The following LRRN3 variants were observed in gnomAD, a reference collection of about 807,000 sequenced individuals.
LRRN3 encodes the protein leucine rich repeat neuronal 3, also known as leucine-rich repeat neuronal protein 3.
LRRN3 carries 15 observed loss-of-function variants against 40.1 expected under a neutral mutation model. That is an observed-to-expected ratio of 0.37 (90% confidence interval 0.25 to 0.58). LRRN3 has a LOEUF of 0.58. Ranked by LOEUF, LRRN3 falls within the 20% of genes least tolerant of loss-of-function variation. The pLI, the probability that LRRN3 is intolerant of heterozygous loss-of-function variation, is 0.72. For missense variants in LRRN3, 746 were observed against 837.7 expected (o/e 0.89, Z 1.35); for synonymous variants, 308 against 297.2 (o/e 1.04, Z -0.37).
Position 111,124,637 on chromosome 7 carries a change from A to C in LRRN3, c.1865A>C (p.Glu622Ala), listed in dbSNP as rs762938698. The change falls in exon 3 of 3, where the codon GAA (glutamate) becomes GCA (alanine). Residue 622 changes from glutamate (E) to alanine (A), a missense_variant. By Grantham distance (107) the Glu-to-Ala change is moderately radical. Coordinates refer to ENST00000308478, the MANE Select transcript of LRRN3 (RefSeq NM_001099658.2). ...TTGCACCCTGATCAAAAAGAGTATG[A>C]AAAGAATAATACCACAACACTTATG... ...KGLHPDQKEY[E>A]KNNTTTLMAC... is the part of the protein sequence containing the mutation. The C allele has an allele frequency of 4.3e-6, 7 of 1,613,902 alleles. No individual in the cohort carries two copies. The highest frequency in any genetic ancestry group is 1.3e-5 in the African/African-American group (1 of 74,918).
intron 2 of LRRN3, among the ~76,000 whole-genome samples, chr7:111,101,316 CT>C (rs1797951042): frequency 6.6e-6 from 1 of 151,342 alleles, no homozygotes; most frequent in African/African-American, 2.4e-5. Flanking sequence ...CCTTGGCATA[CT>C]GATAAGCGAT....
At chr7:111,101,426 T>C (rs1053899541) in intron 2 of LRRN3, among the ~76,000 whole-genome samples, 1 of 151,514 alleles carries the variant, frequency 6.6e-6, no homozygotes, top group Non-Finnish European at 1.5e-5. Flanking sequence ...TCTCAGAATC[T>C]GTGAGAGTAA....
Position 111,123,245 on chromosome 7 carries a change from G to A in LRRN3, c.473G>A (p.Gly158Glu). ...AACTTGCTTTCTACAATTTCACCTG[G>A]AGCCTTTATTGGCCTACATAATCTT... ...NHNLLSTISP[G>E]AFIGLHNLLR... Residue 158 changes from glycine (G) to glutamate (E), a missense_variant, in exon 3 of 3, where the codon GGA becomes GAA. Coordinates refer to ENST00000308478, the MANE Select transcript of LRRN3 (RefSeq NM_001099658.2). The surrounding 1 kb of genome is among the most constrained non-coding windows in gnomAD (Gnocchi z 6.4). 1.2e-6 allele frequency: 2 copies of A among 1,613,786 alleles called. No homozygotes were observed. Among genetic ancestry groups the A allele is most frequent in the Non-Finnish European group, 1.7e-6 (2 of 1,179,914 alleles).
At chr7:111,117,974 T>C (rs1255504541) in intron 2 of LRRN3, among the ~76,000 whole-genome samples, 1 of 152,114 alleles carries the variant, frequency 6.6e-6, no homozygotes, top group Non-Finnish European at 1.5e-5. Flanking sequence ...ACAGTGGATT[T>C]TAAATCTTCT....
At chr7:111,093,656 A>G (rs1013384469) in intron 1 of LRRN3, among the ~76,000 whole-genome samples, 2 of 152,174 alleles carry the variant, frequency 1.3e-5, no homozygotes, top group African/African-American at 4.8e-5. Flanking sequence ...TACAGAGATC[A>G]GTAATGTGCC....
At chr7:111,115,844 T>G (rs1222257175) in intron 2 of LRRN3, among the ~76,000 whole-genome samples, 1 of 151,884 alleles carries the variant, frequency 6.6e-6, no homozygotes, top group Non-Finnish European at 1.5e-5. Flanking sequence ...ACCTGGCTAA[T>G]TTTTGTATTT....
intron 2 of LRRN3, among the ~76,000 whole-genome samples, chr7:111,102,339 A>G (rs1345240793): frequency 6.6e-6 from 1 of 151,468 alleles, no homozygotes; most frequent in Non-Finnish European, 1.5e-5. Context: ...TCAACCCTAT[A>G]GAGAAACTCA....
intron 2 of LRRN3, among the ~76,000 whole-genome samples, chr7:111,118,687 T>C (rs1800193474): frequency 1.3e-5 from 2 of 152,250 alleles, no homozygotes; most frequent in Non-Finnish European, 1.5e-5. Flanking sequence ...TACTTACTTA[T>C]TATCCTGCAA....
At chr7:111,100,539 T>C (rs1193981750) in intron 2 of LRRN3, among the ~76,000 whole-genome samples, 1 of 149,706 alleles carries the variant, frequency 6.7e-6, no homozygotes, top group Non-Finnish European at 1.5e-5. Context: ...CTGATTAGTA[T>C]AATATTATTT....
chr7:111,100,355 GT>G (rs1382828143), intron 2 of LRRN3, among the ~76,000 whole-genome samples: 1 of 149,840 alleles, frequency 6.7e-6, no homozygotes, highest in East Asian at 1.9e-4. Flanking sequence ...TCTTTCTACA[GT>G]TTTAAACTTC....
chr7:111,101,816 T>C (rs1238572891), intron 2 of LRRN3, among the ~76,000 whole-genome samples: 1 of 151,384 alleles, frequency 6.6e-6, no homozygotes, highest in South Asian at 2.1e-4. Flanking sequence ...GTGGTAAACA[T>C]AGTTCCTATC....
chr7:111,094,323 G>C (rs1276781377), intron 1 of LRRN3, among the ~76,000 whole-genome samples: 1 of 152,076 alleles, frequency 6.6e-6, no homozygotes, highest in Non-Finnish European at 1.5e-5. Context: ...GTATCTGTTG[G>C]TGAATCTGAA....
intron 2 of LRRN3, among the ~76,000 whole-genome samples, chr7:111,119,564 T>A (rs545031061): frequency 2.6e-4 from 39 of 152,352 alleles, no homozygotes; most frequent in Non-Finnish European, 4.0e-4. Flanking sequence ...TGGATTTTAG[T>A]AATATATGTA....
chr7:111,101,199 G>A (rs1446211678), intron 2 of LRRN3, among the ~76,000 whole-genome samples: 1 of 151,398 alleles, frequency 6.6e-6, no homozygotes, highest in East Asian at 1.9e-4. Flanking sequence ...TTTGAAAGAA[G>A]AAATATTCTA....
At chr7:111,093,777 T>C (rs1490778219) in intron 1 of LRRN3, among the ~76,000 whole-genome samples, 1 of 152,148 alleles carries the variant, frequency 6.6e-6, no homozygotes, top group Non-Finnish European at 1.5e-5. Context: ...TGATGGACAT[T>C]TGTGTATGAC....
chr7:111,115,409 A>G (rs890035974), intron 2 of LRRN3, among the ~76,000 whole-genome samples: 5 of 152,098 alleles, frequency 3.3e-5, no homozygotes, highest in Non-Finnish European at 5.9e-5. Context: ...ATAACTACAA[A>G]TCAGAATTTT....
intron 2 of LRRN3, among the ~76,000 whole-genome samples, chr7:111,105,222 T>G (rs1410960084): frequency 6.6e-6 from 1 of 151,930 alleles, no homozygotes; most frequent in Non-Finnish European, 1.5e-5. Flanking sequence ...AAAGAATTCT[T>G]ATGTCAATAG....
intron 2 of LRRN3, among the ~76,000 whole-genome samples, chr7:111,117,267 G>A (rs563020902): frequency 1.3e-5 from 2 of 152,180 alleles, no homozygotes; most frequent in African/African-American, 2.4e-5. Flanking sequence ...AATCTTTGAT[G>A]TTCACAGAAT....
rs1801057556 is a variant in LRRN3 at position 111,124,545 on chromosome 7, T to C, written c.1773T>C (p.Ile591=). The change falls in exon 3 of 3, where the codon ATT becomes ATC. Residue 591 remains isoleucine, a synonymous_variant. Transcript: ENST00000308478. ...THLNPSTEYK[I]CIDIPTIYQK... The stretch of plus-strand genomic sequence containing the variant: ...TGAATCCATCAACTGAGTATAAAAT[T>C]TGTATTGATATTCCCACCATCTATC... 6.2e-7 allele frequency: 1 copy of C among 1,613,622 alleles called. No homozygotes were observed. The highest frequency in any genetic ancestry group is 8.5e-7 in the Non-Finnish European group (1 of 1,179,850).
Sources: gnomAD v4.1 joint callset for allele counts (sites outside exome capture counted in the v4.1 genomes callset) on GRCh38, gnomAD v4.1.1 for gene constraint, Gnocchi (gnomAD v3.1) non-coding constraint, MANE v1.5 for transcripts, NCBI Gene and HGNC (gene_info 2026-07-23, HGNC 2026-07-21) for gene names.